PHACTR3: variants seen among roughly 807,000 people sequenced by gnomAD.
PHACTR3 encodes the protein phosphatase and actin regulator 3, also known as protein phosphatase 1, regulatory subunit 123.
A neutral mutation model predicts 66.8 loss-of-function variants in PHACTR3; 16 were observed. The ratio of observed to expected loss-of-function variants is 0.24; its 90% confidence interval spans 0.16 to 0.36. The LOEUF (loss-of-function observed/expected upper bound fraction) is 0.36. Among genes scored for constraint, PHACTR3 ranks in the 10% least tolerant of loss-of-function variants. The pLI is 1.00. For synonymous variants in PHACTR3, 323 were observed against 292.1 expected (o/e 1.11, Z -1.08); for missense variants, 647 against 719.9 (o/e 0.90, Z 1.16).
intron 1 of PHACTR3, among the ~76,000 whole-genome samples, chr20:59,689,393 A>C (rs948967591): frequency 1.2e-4 from 18 of 152,268 alleles, no homozygotes; most frequent in African/African-American, 4.1e-4. Flanking sequence ...AGAGTGAGAC[A>C]GAAATGGCAG....
At chr20:59,579,976 CG>C (rs1468966261) in intron 1 of PHACTR3, among the ~76,000 whole-genome samples, 2 of 152,060 alleles carry the variant, frequency 1.3e-5, no homozygotes, top group East Asian at 3.9e-4. Flanking sequence ...GGAGAGGAAG[CG>C]CGCATTCCGT....
At chr20:59,674,200 C>T (rs1377248576) in intron 1 of PHACTR3, among the ~76,000 whole-genome samples, 1 of 150,700 alleles carries the variant, frequency 6.6e-6, no homozygotes, top group Non-Finnish European at 1.5e-5. Context: ...GTGGAAACAA[C>T]TTGTCAAGAC....
At chr20:59,821,858 G>C (rs980963011) in intron 8 of PHACTR3, among the ~76,000 whole-genome samples, 14 of 128,754 alleles carry the variant, frequency 1.1e-4, no homozygotes, top group Admixed American at 3.9e-4. Flanking sequence ...CACTGGGCCA[G>C]GGAGGTGAGC....
intron 11 of PHACTR3, among the ~76,000 whole-genome samples, chr20:59,842,109 G>T (rs191281976): frequency 6.6e-6 from 1 of 152,280 alleles, no homozygotes; most frequent in East Asian, 1.9e-4. Context: ...CAGCTAGAGA[G>T]GCAGGAAGAA....
At chr20:59,608,773 T>C (rs997171078) in intron 1 of PHACTR3, among the ~76,000 whole-genome samples, 9 of 152,240 alleles carry the variant, frequency 5.9e-5, no homozygotes, top group African/African-American at 2.2e-4. Context: ...GCCCGGTCCT[T>C]CCAGTCCTTC....
At chr20:59,687,998 T>C (rs899561942) in intron 1 of PHACTR3, among the ~76,000 whole-genome samples, 3 of 152,182 alleles carry the variant, frequency 2.0e-5, no homozygotes, top group Non-Finnish European at 2.9e-5. Flanking sequence ...TGATTTCTCT[T>C]TTCTAACAAG....
At chr20:59,815,212 T>C (rs2041850381) in intron 8 of PHACTR3, among the ~76,000 whole-genome samples, 1 of 152,156 alleles carries the variant, frequency 6.6e-6, no homozygotes, top group Non-Finnish European at 1.5e-5. Flanking sequence ...CTTCCTGATA[T>C]TCAAAAGCAC....
chr20:59,604,251 G>A (rs962602765), upstream of PHACTR3, among the ~76,000 whole-genome samples: 6 of 152,194 alleles, frequency 3.9e-5, no homozygotes, highest in Non-Finnish European at 8.8e-5. Flanking sequence ...CCAGCTGTCT[G>A]CAGCTGCTGG....
At chr20:59,784,375 A>T (rs986532750) in intron 7 of PHACTR3, among the ~76,000 whole-genome samples, 1 of 152,062 alleles carries the variant, frequency 6.6e-6, no homozygotes, top group African/African-American at 2.4e-5. Flanking sequence ...ATGTGTATGC[A>T]TATGTATATG....
intron 1 of PHACTR3, among the ~76,000 whole-genome samples, chr20:59,635,149 T>TTCTCTTTCTTTCTTTCTTTCC (rs1555881160): frequency 2.2e-4 from 13 of 60,412 alleles, no homozygotes; most frequent in African/African-American, 8.5e-4. Context: ...CTTTCTTTCT[T>TTCTCTTTCTTTCTTTCTTTCC]TTTCTTTCTT....
chr20:59,818,446 G>T (rs2041943516), intron 8 of PHACTR3, among the ~76,000 whole-genome samples: 2 of 152,210 alleles, frequency 1.3e-5, no homozygotes, highest in Non-Finnish European at 2.9e-5. Flanking sequence ...CAGCTTTGTT[G>T]AGACATAATT....
chr20:59,785,478 G>A (rs2040871823), intron 7 of PHACTR3, among the ~76,000 whole-genome samples: 7 of 152,206 alleles, frequency 4.6e-5, no homozygotes. Context: ...GGAGACTGAG[G>A]CAGAGAGGAG....
rs1417153031 is a variant in PHACTR3, at chr20:59,723,062, CTTTCT to C, written c.119-20042_119-20038del. Among the ~76,000 whole-genome samples, 199 of 45,168 alleles carry C rather than the reference CTTTCT, an allele frequency of 4.4e-3. 3 individuals are homozygous for C. The highest frequency in any genetic ancestry group is 0.016 in the African/African-American group (185 of 11,548). 29.6% of individuals were successfully genotyped at this position (45,168 alleles called of 152,430 possible). On this transcript the variant is annotated intron_variant, in intron 1 of 12. Coordinates refer to ENST00000371015, the MANE Select transcript of PHACTR3 (RefSeq NM_080672.5). The stretch of plus-strand genomic sequence containing the variant: ...TTTCTCTTTTTCTTTCTTTCTTTCT[CTTTCT>C]TTCTTTCTTTCTTTCTTTCTTTCTT...
At chr20:59,635,244 T>C (rs1289288224) in intron 1 of PHACTR3, among the ~76,000 whole-genome samples, 3 of 141,960 alleles carry the variant, frequency 2.1e-5, no homozygotes, top group East Asian at 4.0e-4. Flanking sequence ...TTCTTTTTTT[T>C]TTTTTTTGAG....
chr20:59,785,437 G>C (rs895149070), intron 7 of PHACTR3, among the ~76,000 whole-genome samples: 9 of 152,236 alleles, frequency 5.9e-5, no homozygotes, highest in African/African-American at 2.2e-4. Flanking sequence ...TTCTGGGGCA[G>C]AGCGGTGGTA....
chr20:59,819,630 C>A (rs1266057154), intron 8 of PHACTR3, among the ~76,000 whole-genome samples: 3 of 152,182 alleles, frequency 2.0e-5, no homozygotes, highest in African/African-American at 7.2e-5. Flanking sequence ...TTGCCACCCC[C>A]GTGTGTGGCC....
intron 2 of PHACTR3, among the ~76,000 whole-genome samples, chr20:59,746,838 G>C (rs4810188): frequency 6.6e-6 from 1 of 152,168 alleles, no homozygotes; most frequent in Non-Finnish European, 1.5e-5. Flanking sequence ...CCCAGTGGTC[G>C]GAGAAGACCC....
chr20:59,796,895 G>A (rs2041266058), intron 7 of PHACTR3, among the ~76,000 whole-genome samples: 1 of 152,180 alleles, frequency 6.6e-6, no homozygotes, highest in Non-Finnish European at 1.5e-5. Flanking sequence ...CCATCTCTCT[G>A]CCAACACATG....
At chr20:59,611,709 C>T (rs554461500) in intron 1 of PHACTR3, among the ~76,000 whole-genome samples, 1 of 152,338 alleles carries the variant, frequency 6.6e-6, no homozygotes, top group African/African-American at 2.4e-5. Context: ...CTGCCTCCCT[C>T]TCCGGCCCCA....
Sources: gnomAD v4.1 joint callset for allele counts (sites outside exome capture counted in the v4.1 genomes callset) on GRCh38, gnomAD v4.1.1 for gene constraint, MANE v1.5 for transcripts, NCBI Gene and HGNC (gene_info 2026-07-23, HGNC 2026-07-21) for gene names.